Variants in GSE1 observed in about 807,000 individuals in gnomAD.
The protein encoded by GSE1 is genetic suppressor element 1.
GSE1 carries 32 observed loss-of-function variants against 112.6 expected under a neutral mutation model. The ratio of observed to expected loss-of-function variants is 0.28; its 90% CI spans 0.21 to 0.38. The LOEUF is 0.38. Among genes scored for constraint, GSE1 ranks in the 10% least tolerant of loss-of-function variants. The pLI is 1.00. For synonymous variants in GSE1, 1,115 were observed against 735.6 expected, an observed-to-expected ratio of 1.52 and a Z score of -8.35; for missense variants, 2,348 against 1,699.2, an observed-to-expected ratio of 1.38 and a Z score of -6.71.
chr16:85,338,998 G>A (rs984391230), intron 1 of GSE1, among the ~76,000 whole-genome samples: 2 of 152,154 alleles, frequency 1.3e-5, no homozygotes, highest in African/African-American at 4.8e-5. Context: ...GTTGGGGCGG[G>A]TGTTTGGGTG....
chr16:85,371,115 C>A (rs908746678), intron 2 of GSE1, among the ~76,000 whole-genome samples: 1 of 152,256 alleles, frequency 6.6e-6, no homozygotes, highest in African/African-American at 2.4e-5. Flanking sequence ...CTCCCACCCT[C>A]GCTGCTCCGC....
chr16:85,478,916 T>C (rs1308213849), intron 2 of GSE1, among the ~76,000 whole-genome samples: 14 of 58,424 alleles, frequency 2.4e-4, no homozygotes, highest in African/African-American at 1.3e-3. Context: ...TCTTTCTTTC[T>C]TTCTTTCTTT....
At chr16:85,295,202 GC>G in intron 1 of GSE1, among the ~76,000 whole-genome samples, 1 of 152,294 alleles carries the variant, frequency 6.6e-6, no homozygotes, top group East Asian at 1.9e-4. Context: ...GCTTCCCAGG[GC>G]CTCCGCACAC....
In GSE1 at chr16:85,217,567, G is replaced by A. The variant is rs116614643; in HGVS notation, c.2283+45760G>A. ...AAGCCACATGGGGAGTGCGTGAGAA[G>A]TGATGCTGGGTGAAATGGGGGATGA... On this transcript the variant is annotated intron_variant, in intron 1 of 2. Coordinates refer to the GSE1 transcript ENST00000637419. Among the ~76,000 whole-genome samples, 1,034 of 152,354 alleles carry A rather than the reference G, an allele frequency of 6.8e-3. 17 individuals carry two copies. Among genetic ancestry groups the A allele is most frequent in the African/African-American group, 0.023 (975 of 41,574 alleles).
intron 2 of GSE1, among the ~76,000 whole-genome samples, chr16:85,645,264 C>G (rs2050759894): frequency 6.6e-6 from 1 of 152,032 alleles, no homozygotes; most frequent in Non-Finnish European, 1.5e-5. Flanking sequence ...GGGCCAGATC[C>G]TGGTGGGTGG....
intron 2 of GSE1, among the ~76,000 whole-genome samples, chr16:85,402,966 T>C (rs1597614456): frequency 6.6e-6 from 1 of 151,942 alleles, no homozygotes; most frequent in Admixed American, 6.5e-5. Context: ...CGCCATTTAT[T>C]ATCCCACAGC....
At chr16:85,388,192 ATGGATGGATGGAGGGATGGATGGT>A (rs2047735652) in intron 2 of GSE1, among the ~76,000 whole-genome samples, 1 of 149,554 alleles carries the variant, frequency 6.7e-6, no homozygotes, top group Non-Finnish European at 1.5e-5. Flanking sequence ...GGATGGATGG[ATGGATGGATGGAGGGATGGATGGT>A]TGGATACATA....
intron 1 of GSE1, among the ~76,000 whole-genome samples, chr16:85,348,777 C>T (rs1047572836): frequency 1.3e-5 from 2 of 152,186 alleles, no homozygotes; most frequent in Admixed American, 1.3e-4. Context: ...TGCAGCCAGC[C>T]GTCACCTGGC....
At chr16:85,536,990 C>G (rs1181777183) in intron 2 of GSE1, among the ~76,000 whole-genome samples, 2 of 152,180 alleles carry the variant, frequency 1.3e-5, no homozygotes, top group African/African-American at 4.8e-5. Flanking sequence ...TTGAGCCTTC[C>G]GGCCAGCAGG....
intron 1 of GSE1, among the ~76,000 whole-genome samples, chr16:85,279,216 C>T (rs897021899): frequency 6.6e-6 from 1 of 152,194 alleles, no homozygotes. Flanking sequence ...CAGGCCAAGG[C>T]CCCAGGGAGA....
In GSE1 at chr16:85,633,854, C is replaced by T. The variant is rs1262928985; in HGVS notation, c.8-60C>T. 2.9e-6 allele frequency: 4 copies of T among 1,382,348 alleles called. No homozygotes were observed. In the Admixed American group the frequency reaches 7.3e-5, roughly 25 times the overall value. 85.6% of individuals were successfully genotyped at this position (1,382,348 alleles called of 1,614,324 possible). On this transcript the variant is annotated intron_variant, in intron 1 of 15. Transcript: ENST00000253458. The stretch of plus-strand genomic sequence containing the variant: ...GCTGACACCGGCCCTGCCGACCCTG[C>T]TCTGGTGCTGGGCGCTCCTGCTCTC...
In GSE1 at chr16:85,359,405, C is replaced by T. The variant is rs745557358; in HGVS notation, c.2464+1762C>T. Reference sequence around the variant, plus strand: ...CGGAGCAGAACAAGGCCCAGATGGACCCCTAGGCGGAGTTTGGCTGTGGTT... The same window carrying T: ...CGGAGCAGAACAAGGCCCAGATGGATCCCTAGGCGGAGTTTGGCTGTGGTT... On this transcript the variant is annotated intron_variant, in intron 2 of 2. Transcript: ENST00000637419. The T allele has an allele frequency of 1.1e-5, 5 of 456,050 alleles. No individual in the cohort carries two copies. In the Middle Eastern group the frequency reaches 1.3e-3, roughly 119 times the overall value. 28.3% of individuals were successfully genotyped at this position (456,050 alleles called of 1,614,324 possible).
At chr16:85,207,373 A>T (rs1444467718) in intron 1 of GSE1, among the ~76,000 whole-genome samples, 1 of 152,230 alleles carries the variant, frequency 6.6e-6, no homozygotes, top group Non-Finnish European at 1.5e-5. Flanking sequence ...GCCGCCAGCC[A>T]TCCCCATCAC....
rs150354588 is a variant in GSE1, at chr16:85,467,383, A to G, written c.2464+109740A>G. Among the ~76,000 whole-genome samples, 296 of 152,342 alleles carry G rather than the reference A, an allele frequency of 1.9e-3. 3 individuals are homozygous for G. Among genetic ancestry groups the G allele is most frequent in the African/African-American group, 6.4e-3 (267 of 41,574 alleles). ...TTGCTATGTAACAAACTACCCCAAG[A>G]CATTGGCGTAAAACAAGAACACAAA... On this transcript the variant is annotated intron_variant, in intron 2 of 2. Transcript: ENST00000637419.
At chr16:85,556,147 G>A (rs1220910147) in exon 1 of GSE1, 2 of 958,004 alleles carry the variant, frequency 2.1e-6, no homozygotes, top group Admixed American at 7.6e-5. Flanking sequence ...GCGGGGCGGG[G>A]GGGGGAAAGA....
chr16:85,668,046 A>G (rs961359860), intron 13 of GSE1, 94 bp from the exon 14 acceptor site: 2 of 937,438 alleles, frequency 2.1e-6, no homozygotes, highest in African/African-American at 3.3e-5. Flanking sequence ...AGTCATGTTG[A>G]CTCTGCACCA....
chr16:85,537,111 C>G (rs2044356581), intron 2 of GSE1, among the ~76,000 whole-genome samples: 1 of 152,208 alleles, frequency 6.6e-6, no homozygotes, highest in South Asian at 2.1e-4. Flanking sequence ...GAGGGAGATT[C>G]CAGCTGCCCG....
chr16:85,573,812 G>T (rs1416601393), intron 1 of GSE1, among the ~76,000 whole-genome samples: 1 of 152,220 alleles, frequency 6.6e-6, no homozygotes, highest in African/African-American at 2.4e-5. Flanking sequence ...TATTGTGAGT[G>T]AGTGTCCTCC....
At chr16:85,440,167 C>G (rs1224875753) in intron 2 of GSE1, among the ~76,000 whole-genome samples, 1 of 152,212 alleles carries the variant, frequency 6.6e-6, no homozygotes, top group Non-Finnish European at 1.5e-5. Flanking sequence ...GCATGGATGG[C>G]TCGAACCGTG....
Sources: gnomAD v4.1 joint callset for allele counts (sites outside exome capture counted in the v4.1 genomes callset) on GRCh38, gnomAD v4.1.1 for gene constraint, MANE v1.5 for transcripts, NCBI Gene and HGNC (gene_info 2026-07-23, HGNC 2026-07-21) for gene names.